TNPO3: variants seen among roughly 807,000 people sequenced by gnomAD.
TNPO3 encodes transportin-3.
Under a neutral mutation model 122.8 loss-of-function variants are expected in TNPO3, and 65 were observed. That is an observed-to-expected ratio of 0.53 (90% CI 0.43 to 0.65). The LOEUF (loss-of-function observed/expected upper bound fraction) is 0.65, where lower values mean the gene tolerates loss of function less well. Ranked by LOEUF, TNPO3 falls within the 30% of genes least tolerant of loss-of-function variation. The probability of loss-of-function intolerance (pLI) is 0.00; values close to 1 mark genes in which losing one functional copy is unlikely to be tolerated. For missense variants in TNPO3, 850 were observed against 1,136.7 expected, an observed-to-expected ratio of 0.75 and a Z score of 3.63; for synonymous variants, 372 against 411.2, an observed-to-expected ratio of 0.90 and a Z score of 1.15.
intron 5 of TNPO3, among the ~76,000 whole-genome samples, chr7:129,003,622 G>A (rs199528899): frequency 6.6e-6 from 1 of 152,078 alleles, no homozygotes; most frequent in Admixed American, 6.6e-5. Context: ...CTACAATCAT[G>A]CCAATGGAGC....
At chr7:128,960,085 A>T (rs1797295317) in intron 21 of TNPO3, among the ~76,000 whole-genome samples, 1 of 152,210 alleles carries the variant, frequency 6.6e-6, no homozygotes, top group Admixed American at 6.5e-5. Flanking sequence ...TGTTTTGGTC[A>T]ATGATGGACT....
chr7:128,979,075 G>A lies in TNPO3; in HGVS notation c.1969C>T (p.Arg657Trp), dbSNP rs773366551. The change falls in exon 16 of 23, where the codon CGG becomes TGG. Residue 657 changes from arginine to tryptophan, a missense_variant. Coordinates refer to ENST00000265388, the MANE Select transcript of TNPO3 (RefSeq NM_012470.4). Reference protein sequence around the residue: ...ETLNKHRADNRIVERCCRCLR... With the variant: ...ETLNKHRADNWIVERCCRCLR... The stretch of plus-strand genomic sequence containing the variant: ...CACCTGCAACAACGCTCTACAATCC[G>A]ATTATCAGCTCGGTGCTTATTTAGA... 9 of 1,614,078 alleles carry A rather than the reference G, an allele frequency of 5.6e-6. No homozygotes were observed. Among genetic ancestry groups the A allele is most frequent in the Middle Eastern group, 1.6e-4 (1 of 6,084 alleles).
chr7:129,025,071 G>A (rs536715785), intron 1 of TNPO3, among the ~76,000 whole-genome samples: 8 of 149,776 alleles, frequency 5.3e-5, no homozygotes, highest in South Asian at 2.1e-4. Flanking sequence ...AAAACAGGCC[G>A]GGCGCAGTGG....
At position 128,956,875 on chromosome 7, in the gene TNPO3, A is replaced by G. The variant is rs575306404; in HGVS notation, c.*31+349T>C. On this transcript the variant is annotated intron_variant, in intron 22 of 22. Coordinates refer to ENST00000265388, the MANE Select transcript of TNPO3 (RefSeq NM_012470.4). ...AGTCAACTTGAGGTTGTTTTCGCCA[A>G]AGTGGCCAGGTTAAAAATACTTATT... is the stretch of plus-strand genomic sequence containing the variant. Among the ~76,000 whole-genome samples the G allele has an allele frequency of 3.0e-4, 46 of 152,350 alleles. 1 individual carries two copies. The South Asian group carries it at 9.5e-3, about 32-fold the overall frequency.
intron 21 of TNPO3, among the ~76,000 whole-genome samples, chr7:128,964,795 A>G (rs974816105): frequency 6.6e-6 from 1 of 152,318 alleles, no homozygotes; most frequent in South Asian, 2.1e-4. Context: ...TCTCCTGTAT[A>G]TGGTCAAATG....
At chr7:129,023,519 T>C (rs1804774938) in intron 1 of TNPO3, among the ~76,000 whole-genome samples, 2 of 152,010 alleles carry the variant, frequency 1.3e-5, no homozygotes, top group Non-Finnish European at 1.5e-5. Flanking sequence ...CAATATTAAA[T>C]ACACAAGATG....
At chr7:129,010,668 C>T (rs773403786) in intron 4 of TNPO3, among the ~76,000 whole-genome samples, 2 of 152,184 alleles carry the variant, frequency 1.3e-5, no homozygotes, top group Non-Finnish European at 2.9e-5. Flanking sequence ...CCTAGCATCA[C>T]TAATAGAAGG....
At chr7:128,994,715 G>A (rs541944664) in intron 8 of TNPO3, among the ~76,000 whole-genome samples, 4 of 152,260 alleles carry the variant, frequency 2.6e-5, no homozygotes, top group Admixed American at 2.6e-4. Flanking sequence ...CTGGAGTGCA[G>A]TGACATGATC....
At chr7:129,019,366 C>A (rs890263574) in intron 1 of TNPO3, among the ~76,000 whole-genome samples, 3 of 152,136 alleles carry the variant, frequency 2.0e-5, no homozygotes, top group Non-Finnish European at 4.4e-5. Context: ...GAGAAGGGGT[C>A]AATTTCTTAT....
intron 1 of TNPO3, among the ~76,000 whole-genome samples, chr7:129,019,698 T>C (rs1442746526): frequency 6.6e-6 from 1 of 151,764 alleles, no homozygotes; most frequent in African/African-American, 2.4e-5. Flanking sequence ...CAAAAAAATT[T>C]AAAAATTAGC....
At chr7:129,017,851 T>C in intron 2 of TNPO3, 106 bp downstream of exon 2, 7 of 1,093,544 alleles carry the variant, frequency 6.4e-6, no homozygotes, top group Non-Finnish European at 9.4e-6. Flanking sequence ...AGTACATCTG[T>C]AATGAAGTTA....
chr7:129,010,172 T>A (rs1358146918), intron 4 of TNPO3, among the ~76,000 whole-genome samples: 1 of 152,034 alleles, frequency 6.6e-6, no homozygotes, highest in East Asian at 1.9e-4. Context: ...CATGATGAAA[T>A]TATTATTATT....
chr7:129,022,464 T>TAA (rs962182640), intron 1 of TNPO3, among the ~76,000 whole-genome samples: 56 of 140,954 alleles, frequency 4.0e-4, no homozygotes, highest in African/African-American at 1.4e-3. Context: ...CCCCGTTTCT[T>TAA]AAAAAAAAAA....
rs772049744 is a variant in TNPO3 at position 128,974,905 on chromosome 7, G to A, written c.2236C>T (p.Pro746Ser). 6.2e-7 allele frequency: 1 copy of A among 1,614,180 alleles called. No homozygotes were observed. The highest frequency in any genetic ancestry group is 1.1e-5 in the South Asian group (1 of 91,076). ...LEQQNGLQNH[P>S]DTVDDLFRLA... is the part of the protein sequence containing the mutation. ...CGGAACAGGTCATCTACAGTGTCAG[G>A]GTGATTCTGGAGACCATTCTGCTGT... is the stretch of plus-strand genomic sequence containing the variant. Residue 746 changes from proline to serine, a missense_variant, in exon 18 of 23, where the codon CCT becomes TCT. By Grantham distance (74) the Pro-to-Ser change is moderately conservative. Transcript: ENST00000265388.
chr7:128,984,292 A>T (rs1357565861), intron 12 of TNPO3, 33 bp from the exon 13 acceptor site: 1 of 1,534,042 alleles, frequency 6.5e-7, no homozygotes, highest in Admixed American at 1.7e-5. Flanking sequence ...AATGAAAAAT[A>T]AACGCTGAAT....
chr7:129,023,143 T>A (rs1207381151), intron 1 of TNPO3, among the ~76,000 whole-genome samples: 1 of 152,136 alleles, frequency 6.6e-6, no homozygotes, highest in African/African-American at 2.4e-5. Flanking sequence ...TGAGTAATTA[T>A]AAGATACTCT....
chr7:129,017,923 T>A, intron 2 of TNPO3, 34 bp downstream of exon 2: 1 of 1,603,182 alleles, frequency 6.2e-7, no homozygotes, highest in Non-Finnish European at 8.5e-7. Context: ...CAAATGGCCA[T>A]ACAAATTTCT....
At chr7:129,046,166 A>G (rs932122480) in intron 1 of TNPO3, among the ~76,000 whole-genome samples, 1 of 134,330 alleles carries the variant, frequency 7.4e-6, no homozygotes, top group African/African-American at 2.8e-5. Context: ...ACTGCACTCC[A>G]GCCTGAGTGA....
At chr7:129,042,253 G>A (rs777580802) in intron 1 of TNPO3, among the ~76,000 whole-genome samples, 3 of 152,168 alleles carry the variant, frequency 2.0e-5, no homozygotes, top group African/African-American at 4.8e-5. Flanking sequence ...TCAGGTTGCT[G>A]CATTTTTTAA....
Sources: gnomAD v4.1 joint callset for allele counts (sites outside exome capture counted in the v4.1 genomes callset) on GRCh38, gnomAD v4.1.1 for gene constraint, MANE v1.5 for transcripts, NCBI Gene and HGNC (gene_info 2026-07-23, HGNC 2026-07-21) for gene names.